Variants in CWF19L2 observed in about 807,000 individuals in gnomAD.
CWF19L2 encodes the protein CWF19 like cell cycle control factor 2.
A neutral mutation model predicts 111.7 loss-of-function variants in CWF19L2; 98 were observed. The observed-to-expected ratio is 0.88, with a 90% CI of 0.75 to 1.04. The LOEUF (loss-of-function observed/expected upper bound fraction) is 1.04, where lower values mean the gene tolerates loss of function less well. CWF19L2 is among the 50% of genes least tolerant of loss of function. CWF19L2 has a pLI of 0.00. For missense variants in CWF19L2, 1,101 were observed against 1,051.4 expected (o/e 1.05, Z -0.65); for synonymous variants, 351 against 342.9 (o/e 1.02, Z -0.26).
chr11:107,420,431 T>C (rs143297923), intron 8 of CWF19L2, among the ~76,000 whole-genome samples: 421 of 152,220 alleles, frequency 2.8e-3, no homozygotes, highest in Non-Finnish European at 4.4e-3. Context: ...AAGAACGTCA[T>C]TTCATATGAA....
At chr11:107,450,472 G>A (rs1349267886) in intron 3 of CWF19L2, among the ~76,000 whole-genome samples, 5 of 152,136 alleles carry the variant, frequency 3.3e-5, no homozygotes, top group Non-Finnish European at 7.4e-5. Flanking sequence ...AGAGTCACTT[G>A]AGCCCCAGGG....
Position 107,407,078 on chromosome 11 carries a change from TTCAC to T in CWF19L2, c.1617+9127_1617+9130del, listed in dbSNP as rs138922350. On this transcript the variant is annotated intron_variant, in intron 10 of 17. Coordinates refer to ENST00000282251, the MANE Select transcript of CWF19L2 (RefSeq NM_152434.3). The stretch of plus-strand genomic sequence containing the variant: ...TTCCTTTTTTTCAGTATTCTGGAGT[TTCAC>T]TCAACTAATTTTTTCTCTTCCTCAT... Among the ~76,000 whole-genome samples the T allele has an allele frequency of 4.2e-3, 635 of 152,178 alleles. 3 individuals are homozygous for T. The highest frequency in any genetic ancestry group is 0.014 in the African/African-American group (577 of 41,560).
Position 107,373,203 on chromosome 11 carries a change from T to C in CWF19L2, c.1872+16871A>G, listed in dbSNP as rs978329693. Among the ~76,000 whole-genome samples the C allele has an allele frequency of 3.1e-5, 4 of 129,670 alleles. 2 individuals are homozygous for C. Among genetic ancestry groups the C allele is most frequent in the African/African-American group, 6.5e-5 (2 of 30,898 alleles). The allele number at this position is 129,670 out of a possible 152,430, so 85.1% of individuals were successfully genotyped here. On this transcript the variant is annotated intron_variant, in intron 12 of 17. Coordinates refer to ENST00000282251, the MANE Select transcript of CWF19L2 (RefSeq NM_152434.3). ...GCAGCGAGGCTAGGGGAGGGGCGCC[T>C]GCCATTGCCCAGGCTTGCTCAGGTA... is the stretch of plus-strand genomic sequence containing the variant.
Position 107,363,070 on chromosome 11 carries a change from T to C in CWF19L2, c.1873-9334A>G, listed in dbSNP as rs548251904. 9.1e-3 allele frequency among the ~76,000 whole-genome samples: 1,389 copies of C among 152,092 alleles called. 9 individuals are homozygous for C. Among genetic ancestry groups the C allele is most frequent in the Non-Finnish European group, 0.012 (833 of 67,992 alleles). On this transcript the variant is annotated intron_variant, in intron 12 of 17. Transcript: ENST00000282251. ...ATGAGATCAACTGGAAGAAAGGGTATCAGCGATGGAAGATGAAATGAATGA... is the reference window on the plus strand; with the variant it reads ...ATGAGATCAACTGGAAGAAAGGGTACCAGCGATGGAAGATGAAATGAATGA...
chr11:107,414,833 C>T (rs1205164431), intron 10 of CWF19L2, among the ~76,000 whole-genome samples: 5 of 152,014 alleles, frequency 3.3e-5, no homozygotes, highest in Non-Finnish European at 7.4e-5. Context: ...AGTATTTATA[C>T]AAATACAAAA....
chr11:107,457,073 T>C lies in CWF19L2; in HGVS notation c.105+639A>G, dbSNP rs75190758. 9.2e-5 allele frequency among the ~76,000 whole-genome samples: 14 copies of C among 152,364 alleles called. 1 individual carries two copies. In the East Asian group the frequency reaches 2.7e-3, roughly 29 times the overall value. On this transcript the variant is annotated intron_variant, in intron 1 of 17. Coordinates refer to ENST00000282251, the MANE Select transcript of CWF19L2 (RefSeq NM_152434.3). ...CTCTTTCATTGCCACACTTCTTACA[T>C]ATTGAATAGATTGTCAGATAATTCA... is the stretch of plus-strand genomic sequence containing the variant.
At chr11:107,447,700 T>C (rs1382690379) in intron 3 of CWF19L2, among the ~76,000 whole-genome samples, 4 of 152,204 alleles carry the variant, frequency 2.6e-5, no homozygotes, top group Non-Finnish European at 5.9e-5. Context: ...CAATACTCTC[T>C]GAAGAAGTCA....
At chr11:107,386,127 C>T (rs963241903) in intron 12 of CWF19L2, among the ~76,000 whole-genome samples, 2 of 152,150 alleles carry the variant, frequency 1.3e-5, no homozygotes, top group Admixed American at 6.5e-5. Flanking sequence ...GATCATCCCA[C>T]CTCAGCTTCC....
chr11:107,457,203 T>C (rs565931690), intron 1 of CWF19L2, among the ~76,000 whole-genome samples: 17 of 152,302 alleles, frequency 1.1e-4, no homozygotes, highest in African/African-American at 4.1e-4. Flanking sequence ...TATACTGAGA[T>C]TGGTGTTAAC....
intron 12 of CWF19L2, among the ~76,000 whole-genome samples, chr11:107,382,728 A>G (rs1055432829): frequency 6.6e-6 from 1 of 152,222 alleles, no homozygotes; most frequent in Non-Finnish European, 1.5e-5. Flanking sequence ...AGCTATTGTT[A>G]CAGTCTTGTA....
At chr11:107,328,080 C>T (rs865989578) in intron 17 of CWF19L2, among the ~76,000 whole-genome samples, 1 of 146,572 alleles carries the variant, frequency 6.8e-6, no homozygotes, top group Non-Finnish European at 1.5e-5. Flanking sequence ...TCCAGCTATG[C>T]AGCAGACTGT....
At chr11:107,446,997 C>A (rs1861710457) in intron 3 of CWF19L2, among the ~76,000 whole-genome samples, 1 of 152,154 alleles carries the variant, frequency 6.6e-6, no homozygotes, top group Non-Finnish European at 1.5e-5. Context: ...AACCACACCT[C>A]TAATTCTATC....
rs1861020848 is a variant in CWF19L2, at chr11:107,402,844, TCAA to T, written c.1618-9952_1618-9950del. 3.7e-5 allele frequency among the ~76,000 whole-genome samples: 5 copies of T among 136,850 alleles called. No individual in the cohort carries two copies. In the South Asian group the frequency reaches 1.1e-3, roughly 31 times the overall value. 89.8% of individuals were successfully genotyped at this position (136,850 alleles called of 152,430 possible). A position where few individuals can be genotyped will look rare whatever the true frequency, so the allele number is the denominator to read the frequency against. The stretch of plus-strand genomic sequence containing the variant: ...GAGAACCAACCCAAATGCCCATCAA[TCAA>T]CGAGTGGATAAACAAACTGTGGTGT... On this transcript the variant is annotated intron_variant, in intron 10 of 17. Transcript: ENST00000282251.
chr11:107,451,177 C>CA (rs988645354), intron 3 of CWF19L2, among the ~76,000 whole-genome samples: 54 of 148,258 alleles, frequency 3.6e-4, no homozygotes, highest in African/African-American at 1.1e-3. Flanking sequence ...GTCAATAACC[C>CA]AAAAAAAAAC....
intron 17 of CWF19L2, among the ~76,000 whole-genome samples, chr11:107,328,695 ACTTC>A (rs1859799597): frequency 6.6e-6 from 1 of 152,202 alleles, no homozygotes; most frequent in South Asian, 2.1e-4. Flanking sequence ...TGGATATTTT[ACTTC>A]CTTTTTTCTA....
At position 107,441,502 on chromosome 11, in the gene CWF19L2, C is replaced by G; in HGVS notation, c.570+1G>C. On this transcript the variant is annotated splice_donor_variant, in intron 5 of 17. Coordinates refer to ENST00000282251, the MANE Select transcript of CWF19L2 (RefSeq NM_152434.3). LOFTEE classifies it high-confidence loss of function. ...TTAAAGCATTTCAAATATTCTCTTA[C>G]CTGTTCAAGCGCTTGGTTTTTCTCT... The G allele has an allele frequency of 6.6e-7, 1 of 1,520,546 alleles. No individual in the cohort carries two copies. Among genetic ancestry groups the G allele is most frequent in the Non-Finnish European group, 8.8e-7 (1 of 1,136,706 alleles). 94.2% of individuals were successfully genotyped at this position (1,520,546 alleles called of 1,614,324 possible). A position where few individuals can be genotyped will look rare whatever the true frequency, so the allele number is the denominator to read the frequency against.
Position 107,396,721 on chromosome 11 carries a change from T to C in CWF19L2, c.1618-3826A>G, listed in dbSNP as rs111586264. 4.3e-3 allele frequency among the ~76,000 whole-genome samples: 656 copies of C among 152,212 alleles called. 6 individuals carry two copies. The highest frequency in any genetic ancestry group is 0.015 in the African/African-American group (610 of 41,532). On this transcript the variant is annotated intron_variant, in intron 10 of 17. Transcript: ENST00000282251. ...ACAGAGCAGCATGCAGGGGCTTGCA[T>C]TGTGGATTTTAGCTCCAGATTGACT...
intron 4 of CWF19L2, 27 bp from the exon 5 acceptor site, chr11:107,441,649 A>G: frequency 6.7e-7 from 1 of 1,496,702 alleles, no homozygotes; most frequent in Non-Finnish European, 8.9e-7. Flanking sequence ...CATAAAATCA[A>G]CAGTCATCCA....
chr11:107,380,744 A>G (rs1434492738), intron 12 of CWF19L2, among the ~76,000 whole-genome samples: 1 of 152,164 alleles, frequency 6.6e-6, no homozygotes, highest in Non-Finnish European at 1.5e-5. Context: ...ACCCAAACAA[A>G]TTGAAAGCAG....
Sources: gnomAD v4.1 joint callset for allele counts (sites outside exome capture counted in the v4.1 genomes callset) on GRCh38, gnomAD v4.1.1 for gene constraint, MANE v1.5 for transcripts, NCBI Gene and HGNC (gene_info 2026-07-23, HGNC 2026-07-21) for gene names.